The following CRPPA variants were observed in gnomAD, a reference collection of about 807,000 sequenced individuals.
The protein encoded by CRPPA is D-ribitol-5-phosphate cytidylyltransferase.
CRPPA carries 43 observed loss-of-function variants against 52.0 expected under a neutral mutation model. The ratio of observed to expected loss-of-function variants is 0.83; its 90% CI spans 0.65 to 1.07. CRPPA has a LOEUF of 1.07. Ranked by LOEUF, CRPPA falls within the 50% of genes least tolerant of loss-of-function variation. The probability of loss-of-function intolerance (pLI) is 0.00; values close to 1 mark genes in which losing one functional copy is unlikely to be tolerated. For synonymous variants in CRPPA, 250 were observed against 203.5 expected (o/e 1.23, Z -1.94); for missense variants, 629 against 551.7 (o/e 1.14, Z -1.40).
intron 3 of CRPPA, among the ~76,000 whole-genome samples, chr7:16,362,595 T>A (rs751187180): frequency 2.6e-5 from 4 of 152,220 alleles, no homozygotes; most frequent in Non-Finnish European, 4.4e-5. Flanking sequence ...AATATGTATA[T>A]TTAACTTTAT....
At chr7:16,378,572 T>G (rs182309000) in intron 2 of CRPPA, among the ~76,000 whole-genome samples, 1 of 151,918 alleles carries the variant, frequency 6.6e-6, no homozygotes, top group Non-Finnish European at 1.5e-5. Flanking sequence ...AATAAACATA[T>G]GTGTGCATGT....
At position 16,385,172 on chromosome 7, in the gene CRPPA, A is replaced by C. The variant is rs1471132042; in HGVS notation, c.535-8931T>G. ...AATGAACAGAGCCGCAGAATAAAGG[A>C]CACCATTAAGTACACAACAATTTTG... On this transcript the variant is annotated intron_variant, in intron 2 of 9. Transcript: ENST00000407010. 2.0e-5 allele frequency among the ~76,000 whole-genome samples: 3 copies of C among 152,170 alleles called. No individual in the cohort carries two copies. The East Asian group carries it at 5.8e-4, about 29-fold the overall frequency.
intron 8 of CRPPA, among the ~76,000 whole-genome samples, chr7:16,224,143 G>A (rs1334472542): frequency 1.3e-5 from 2 of 151,816 alleles, no homozygotes; most frequent in Non-Finnish European, 2.9e-5. Context: ...CGAGGTTTCC[G>A]GCTCTCGGTG....
intron 9 of CRPPA, among the ~76,000 whole-genome samples, chr7:16,191,052 CCATAA>C (rs1781599036): frequency 6.6e-6 from 1 of 152,058 alleles, no homozygotes; most frequent in South Asian, 2.1e-4. Flanking sequence ...TGTGCTGGTT[CCATAA>C]TTGGAAAATT....
intron 8 of CRPPA, among the ~76,000 whole-genome samples, chr7:16,221,845 G>A (rs62440400): frequency 0.29 from 43,494 of 148,206 alleles, 8,027 homozygotes; most frequent in Admixed American, 0.4. Flanking sequence ...TACACTGTTG[G>A]TGGGACTGTA....
intron 3 of CRPPA, among the ~76,000 whole-genome samples, chr7:16,344,339 G>T (rs1785948765): frequency 6.6e-6 from 1 of 150,766 alleles, no homozygotes; most frequent in South Asian, 2.1e-4. Flanking sequence ...GCCAAGGCAG[G>T]TGGGATCACT....
At chr7:16,360,256 T>C (rs755936625) in intron 3 of CRPPA, among the ~76,000 whole-genome samples, 1 of 152,222 alleles carries the variant, frequency 6.6e-6, no homozygotes, top group Admixed American at 6.5e-5. Flanking sequence ...CATGCTGTAT[T>C]TTATACTATT....
At chr7:16,393,892 T>C (rs889072400) in intron 2 of CRPPA, among the ~76,000 whole-genome samples, 4 of 152,092 alleles carry the variant, frequency 2.6e-5, no homozygotes, top group African/African-American at 4.8e-5. Context: ...GGTAAATTCT[T>C]ACACAGGCGT....
At chr7:16,168,430 T>C (rs1181062567) in intron 9 of CRPPA, among the ~76,000 whole-genome samples, 6 of 152,066 alleles carry the variant, frequency 3.9e-5, no homozygotes, top group Admixed American at 3.9e-4. Context: ...GATAAAACTA[T>C]TAAATTTATA....
intron 9 of CRPPA, among the ~76,000 whole-genome samples, chr7:16,116,507 A>T (rs1381500274): frequency 6.6e-6 from 1 of 152,086 alleles, no homozygotes; most frequent in East Asian, 1.9e-4. Flanking sequence ...TCTACTAAAA[A>T]TACAAACATT....
At chr7:16,188,770 T>A (rs906661982) in intron 9 of CRPPA, among the ~76,000 whole-genome samples, 2 of 152,224 alleles carry the variant, frequency 1.3e-5, no homozygotes, top group Non-Finnish European at 2.9e-5. Context: ...TTTACTTTTA[T>A]GTGGCTTTCA....
intron 9 of CRPPA, 110 bp downstream of exon 9, chr7:16,215,956 C>A: frequency 1.2e-6 from 1 of 867,182 alleles, no homozygotes; most frequent in Non-Finnish European, 1.7e-6. Flanking sequence ...AGTAACTTTC[C>A]AGCTGTAATT....
intron 9 of CRPPA, among the ~76,000 whole-genome samples, chr7:16,125,794 A>G (rs981939865): frequency 2.0e-5 from 3 of 152,046 alleles, no homozygotes; most frequent in African/African-American, 7.3e-5. Context: ...AGCTCGATCA[A>G]GATGGTAACC....
chr7:16,114,645 A>G (rs1782333097), intron 9 of CRPPA, among the ~76,000 whole-genome samples: 1 of 151,958 alleles, frequency 6.6e-6, no homozygotes, highest in Admixed American at 6.6e-5. Flanking sequence ...CCTGGGGAAA[A>G]CACACACACA....
intron 1 of CRPPA, among the ~76,000 whole-genome samples, chr7:16,420,048 T>A (rs1291778935): frequency 6.6e-6 from 1 of 152,152 alleles, no homozygotes; most frequent in East Asian, 1.9e-4. Flanking sequence ...AACTTGAACC[T>A]TTTGGCTTTT....
At chr7:16,113,799 C>T (rs11984062) in intron 9 of CRPPA, among the ~76,000 whole-genome samples, 1,800 of 151,808 alleles carry the variant, frequency 0.012, 40 homozygotes, top group African/African-American at 0.041. Context: ...AAAGTATATC[C>T]TTAAAATCCC....
chr7:16,403,084 A>G (rs1026599050), intron 2 of CRPPA, among the ~76,000 whole-genome samples: 3 of 152,190 alleles, frequency 2.0e-5, no homozygotes, highest in African/African-American at 7.2e-5. Context: ...ACTTCCCAAA[A>G]GCAATATTAA....
chr7:16,413,345 G>A lies in CRPPA; in HGVS notation c.258-7008C>T, dbSNP rs1394250431. Among the ~76,000 whole-genome samples, 6 of 152,130 alleles carry A rather than the reference G, an allele frequency of 3.9e-5. No homozygotes were observed. In the East Asian group the frequency reaches 1.2e-3, roughly 29 times the overall value. The stretch of plus-strand genomic sequence containing the variant: ...GTGTTCCATGCGGTCCTTTGGAAAT[G>A]TAACACTGACCTCTAATCATCTGAC... On this transcript the variant is annotated intron_variant, in intron 1 of 9. Transcript: ENST00000407010.
At chr7:16,149,599 T>C (rs893906911) in intron 9 of CRPPA, among the ~76,000 whole-genome samples, 1 of 152,184 alleles carries the variant, frequency 6.6e-6, no homozygotes, top group African/African-American at 2.4e-5. Context: ...TAAAGAGATA[T>C]TATGTAGCAT....
Sources: allele counts gnomAD v4.1 joint callset (sites outside exome capture counted in the v4.1 genomes callset), GRCh38; gene constraint gnomAD v4.1.1; transcripts MANE v1.5; gene names NCBI Gene and HGNC (gene_info 2026-07-23, HGNC 2026-07-21).